The following TNNI3K variants were observed in gnomAD, a reference collection of about 807,000 sequenced individuals.
TNNI3K encodes TNNI3 interacting kinase.
In TNNI3K, 140 loss-of-function variants were observed where a neutral mutation model predicts 114.5. The ratio of observed to expected loss-of-function variants is 1.22; its 90% confidence interval spans 1.07 to 1.41. TNNI3K has a LOEUF of 1.41. Ranked by LOEUF, TNNI3K falls within the 40% of genes most tolerant of loss-of-function variation. TNNI3K has a pLI of 0.00. For synonymous variants in TNNI3K, 347 were observed against 347.5 expected (o/e 1.00, Z 0.02); for missense variants, 1,125 against 1,007.6 (o/e 1.12, Z -1.58).
intron 20 of TNNI3K, among the ~76,000 whole-genome samples, chr1:74,442,078 G>GT (rs1290382727): frequency 6.6e-6 from 1 of 151,650 alleles, no homozygotes; most frequent in African/African-American, 2.4e-5. Flanking sequence ...AGTCTTACAG[G>GT]TTTAGGTTTT....
intron 9 of TNNI3K, among the ~76,000 whole-genome samples, chr1:74,352,188 T>C (rs1416537875): frequency 6.6e-6 from 1 of 152,198 alleles, no homozygotes; most frequent in Admixed American, 6.5e-5. Flanking sequence ...CTTCTAACAG[T>C]CAGGACCCTC....
chr1:74,261,118 GT>G (rs1228583596), intron 4 of TNNI3K, among the ~76,000 whole-genome samples: 1 of 151,944 alleles, frequency 6.6e-6, no homozygotes, highest in African/African-American at 2.4e-5. Flanking sequence ...TAATATATAT[GT>G]TGTGTATTTT....
intron 11 of TNNI3K, among the ~76,000 whole-genome samples, chr1:74,355,242 C>A (rs754338155): frequency 5.3e-5 from 8 of 152,090 alleles, no homozygotes; most frequent in African/African-American, 9.7e-5. Context: ...AAAGATTGTA[C>A]TGAAAATAAC....
chr1:74,516,956 A>C (rs1646357419), intron 23 of TNNI3K, among the ~76,000 whole-genome samples: 1 of 152,212 alleles, frequency 6.6e-6, no homozygotes, highest in Non-Finnish European at 1.5e-5. Context: ...AGAAGTCTAA[A>C]AGAAATATTT....
chr1:74,365,748 G>A (rs1348181327), intron 11 of TNNI3K, among the ~76,000 whole-genome samples: 1 of 151,964 alleles, frequency 6.6e-6, no homozygotes, highest in Non-Finnish European at 1.5e-5. Flanking sequence ...TTCCCTGATC[G>A]TGAGCTCGCT....
At chr1:74,501,341 A>G (rs1669614214) in intron 23 of TNNI3K, among the ~76,000 whole-genome samples, 1 of 152,162 alleles carries the variant, frequency 6.6e-6, no homozygotes, top group Non-Finnish European at 1.5e-5. Flanking sequence ...TTACAATTTT[A>G]CAGGAGAGTT....
At chr1:74,355,482 T>C (rs1661604028) in intron 11 of TNNI3K, among the ~76,000 whole-genome samples, 1 of 152,110 alleles carries the variant, frequency 6.6e-6, no homozygotes, top group South Asian at 2.1e-4. Context: ...CAGATGCCTG[T>C]AATCTCAGCT....
chr1:74,420,192 A>G (rs539809522), intron 17 of TNNI3K, among the ~76,000 whole-genome samples: 3 of 152,298 alleles, frequency 2.0e-5, no homozygotes, highest in Admixed American at 2.0e-4. Flanking sequence ...GCCAAAAATT[A>G]ACTAGAAGAA....
At chr1:74,516,632 T>A (rs568860428) in intron 23 of TNNI3K, among the ~76,000 whole-genome samples, 1 of 152,262 alleles carries the variant, frequency 6.6e-6, no homozygotes, top group East Asian at 1.9e-4. Flanking sequence ...CTATGGGCCA[T>A]GGGACCTCAA....
intron 17 of TNNI3K, among the ~76,000 whole-genome samples, chr1:74,420,885 ATTAG>A (rs1665362110): frequency 6.6e-6 from 1 of 152,090 alleles, no homozygotes; most frequent in Non-Finnish European, 1.5e-5. Flanking sequence ...AGGAATTTTA[ATTAG>A]TTTTGTTCTT....
rs1317531316 is a variant in TNNI3K at position 74,544,204 on chromosome 1, T to C, written c.*222T>C. On this transcript the variant is annotated 3_prime_UTR_variant, in exon 25 of 25. Transcript: ENST00000326637. Reference sequence around the variant, plus strand: ...ACCAAGACAGAATGTATATGAAGAATTGTTTTTAATTTTGTAAATTAAAAA... The same window carrying C: ...ACCAAGACAGAATGTATATGAAGAACTGTTTTTAATTTTGTAAATTAAAAA... The C allele has an allele frequency of 3.7e-5, 17 of 462,494 alleles. No homozygotes were observed. Among genetic ancestry groups the C allele is most frequent in the African/African-American group, 1.8e-4 (9 of 48,730 alleles). 28.6% of individuals were successfully genotyped at this position (462,494 alleles called of 1,614,324 possible).
intron 17 of TNNI3K, among the ~76,000 whole-genome samples, chr1:74,417,685 TGTGTGTGTG>T (rs1464021882): frequency 6.2e-4 from 1 of 1,620 alleles, no homozygotes; most frequent in African/African-American, 3.7e-3. Context: ...TACGTGTTTG[TGTGTGTGTG>T]TGTGTGTGTG....
chr1:74,276,925 A>G (rs933669861), intron 5 of TNNI3K, among the ~76,000 whole-genome samples: 4 of 152,178 alleles, frequency 2.6e-5, no homozygotes, highest in African/African-American at 4.8e-5. Context: ...TGTGCTTTGA[A>G]GAGTAGGCAA....
chr1:74,460,013 A>G (rs1325664010), intron 20 of TNNI3K, among the ~76,000 whole-genome samples: 1 of 152,238 alleles, frequency 6.6e-6, no homozygotes, highest in Non-Finnish European at 1.5e-5. Context: ...AACTCAATTT[A>G]TCAGTCACAC....
chr1:74,306,522 G>C (rs1486471270), intron 5 of TNNI3K, among the ~76,000 whole-genome samples: 1 of 152,050 alleles, frequency 6.6e-6, no homozygotes, highest in Non-Finnish European at 1.5e-5. Flanking sequence ...CCTTTTCTCT[G>C]CGTCCATGCC....
chr1:74,425,196 A>G (rs1665578633), intron 17 of TNNI3K, among the ~76,000 whole-genome samples: 1 of 152,116 alleles, frequency 6.6e-6, no homozygotes, highest in Admixed American at 6.6e-5. Context: ...GATAAAGTGA[A>G]GAGTGTTTAT....
At chr1:74,384,385 G>A (rs899464218) in intron 17 of TNNI3K, among the ~76,000 whole-genome samples, 1 of 152,078 alleles carries the variant, frequency 6.6e-6, no homozygotes, top group Admixed American at 6.6e-5. Flanking sequence ...TTACTTAGGT[G>A]AAAAGTTAGT....
At chr1:74,375,994 G>A (rs1427190892) in intron 17 of TNNI3K, 3 of 155,438 alleles carry the variant, frequency 1.9e-5, no homozygotes, top group South Asian at 2.0e-4. Flanking sequence ...AGGACTCACC[G>A]TTTTTGACTG....
chr1:74,410,419 C>T (rs904548954), intron 17 of TNNI3K, among the ~76,000 whole-genome samples: 1 of 152,162 alleles, frequency 6.6e-6, no homozygotes, highest in African/African-American at 2.4e-5. Context: ...TTCCACTACT[C>T]CAGGCTCCCT....
Sources: allele counts gnomAD v4.1 joint callset (sites outside exome capture counted in the v4.1 genomes callset), GRCh38; gene constraint gnomAD v4.1.1; transcripts MANE v1.5; gene names NCBI Gene and HGNC (gene_info 2026-07-23, HGNC 2026-07-21).